Variants in TMEM266 observed in about 807,000 individuals in gnomAD.
TMEM266 encodes transmembrane protein 266, also known as Hv1 related protein 1.
Under a neutral mutation model 50.5 loss-of-function variants are expected in TMEM266, and 33 were observed. The ratio of observed to expected loss-of-function variants is 0.65; its 90% CI spans 0.50 to 0.87. TMEM266 has a LOEUF of 0.87. Ranked by LOEUF, TMEM266 falls within the 40% of genes least tolerant of loss-of-function variation. The probability of loss-of-function intolerance (pLI) is 0.00; values close to 1 mark genes in which losing one functional copy is unlikely to be tolerated. For missense variants in TMEM266, 655 were observed against 695.1 expected (o/e 0.94, Z 0.65); for synonymous variants, 310 against 292.3 (o/e 1.06, Z -0.62).
chr15:76,159,056 G>A (rs925740762), intron 4 of TMEM266, among the ~76,000 whole-genome samples: 3 of 152,198 alleles, frequency 2.0e-5, no homozygotes, highest in Admixed American at 1.3e-4. Context: ...AAGCAGGCCT[G>A]GCTGCAGCTC....
At chr15:76,130,256 C>T in intron 1 of TMEM266, among the ~76,000 whole-genome samples, 1 of 13,730 alleles carries the variant, frequency 7.3e-5, no homozygotes, top group East Asian at 2.0e-3. Context: ...AAAAAAAAAC[C>T]GCCGGGTGCA....
Position 76,129,360 on chromosome 15 carries a change from G to A in TMEM266, c.-96-4808G>A, listed in dbSNP as rs530547909. Among the ~76,000 whole-genome samples the A allele has an allele frequency of 4.4e-3, 663 of 152,258 alleles. 9 individuals carry two copies. The highest frequency in any genetic ancestry group is 0.015 in the African/African-American group (636 of 41,540). ...AAACATGTTAGAAAACTGCTAAGGA[G>A]GCCAGGTGCATTGGCTCACACCTGT... On this transcript the variant is annotated intron_variant, in intron 1 of 10. Transcript: ENST00000388942.
At chr15:76,147,256 G>GA (rs1335968087) in intron 3 of TMEM266, among the ~76,000 whole-genome samples, 5 of 152,174 alleles carry the variant, frequency 3.3e-5, no homozygotes, top group Admixed American at 2.6e-4. Flanking sequence ...CTAGAAGAAG[G>GA]AAATCAGATT....
chr15:76,191,804 G>T, intron 8 of TMEM266, 164 bp from the exon 9 acceptor site: 1 of 653,720 alleles, frequency 1.5e-6, no homozygotes, highest in Non-Finnish European at 2.4e-6. Context: ...AAGCTCTTGC[G>T]AACCGCGATG....
intron 1 of TMEM266, among the ~76,000 whole-genome samples, chr15:76,104,326 T>G (rs2037048272): frequency 6.6e-6 from 1 of 152,148 alleles, no homozygotes; most frequent in Non-Finnish European, 1.5e-5. Flanking sequence ...CTAAATAAAC[T>G]GTAAAATTCA....
chr15:76,096,805 A>G (rs944095299), intron 1 of TMEM266, among the ~76,000 whole-genome samples: 4 of 151,774 alleles, frequency 2.6e-5, no homozygotes, highest in Admixed American at 1.3e-4. Flanking sequence ...TTGGGTGCAT[A>G]TATATTTTGG....
chr15:76,145,221 C>T (rs2959863), intron 3 of TMEM266, among the ~76,000 whole-genome samples: 30,437 of 152,124 alleles, frequency 0.2, 4,012 homozygotes, highest in African/African-American at 0.37. Flanking sequence ...AGCCATGTGA[C>T]CCCTAATGTG....
intron 1 of TMEM266, among the ~76,000 whole-genome samples, chr15:76,072,009 C>T (rs945419830): frequency 4.0e-5 from 6 of 151,858 alleles, no homozygotes; most frequent in Non-Finnish European, 5.9e-5. Context: ...CATCAAGGGG[C>T]AGGGAAGAGA....
intron 1 of TMEM266, among the ~76,000 whole-genome samples, chr15:76,117,987 C>T (rs1227316458): frequency 6.6e-6 from 1 of 152,224 alleles, no homozygotes; most frequent in East Asian, 1.9e-4. Context: ...GTTCTCAGGC[C>T]TGCTGCAGCT....
At chr15:76,065,013 A>G (rs112930974) in intron 1 of TMEM266, among the ~76,000 whole-genome samples, 1,572 of 152,324 alleles carry the variant, frequency 0.01, 31 homozygotes, top group African/African-American at 0.035. Context: ...GAAATAGTCA[A>G]ATCTTTGTAC....
intron 8 of TMEM266, among the ~76,000 whole-genome samples, chr15:76,181,886 T>C (rs765000900): frequency 6.6e-6 from 1 of 152,244 alleles, no homozygotes; most frequent in Non-Finnish European, 1.5e-5. Context: ...CGCTCTTTCA[T>C]GTTTAAGCCT....
At position 76,123,033 on chromosome 15, in the gene TMEM266, C is replaced by T. The variant is rs146656975; in HGVS notation, c.-96-11135C>T. Among the ~76,000 whole-genome samples, 27 of 151,712 alleles carry T rather than the reference C, an allele frequency of 1.8e-4. No individual in the cohort carries two copies. The East Asian group carries it at 3.1e-3, about 17-fold the overall frequency. The stretch of plus-strand genomic sequence containing the variant: ...CATGAGACCAGTAGTAATTGACAGA[C>T]TACATCACTAAGTAAGTGAAAAAGA... On this transcript the variant is annotated intron_variant, in intron 1 of 10. Coordinates refer to ENST00000388942, the MANE Select transcript of TMEM266 (RefSeq NM_152335.3).
intron 3 of TMEM266, among the ~76,000 whole-genome samples, chr15:76,141,622 C>A (rs117911146): frequency 4.6e-5 from 7 of 152,138 alleles, no homozygotes; most frequent in Non-Finnish European, 1.0e-4. Context: ...CATTCCTAAG[C>A]GTAGGCTTCA....
chr15:76,068,838 C>T (rs2036485970), intron 1 of TMEM266, among the ~76,000 whole-genome samples: 1 of 152,188 alleles, frequency 6.6e-6, no homozygotes, highest in African/African-American at 2.4e-5. Context: ...CTAATACATC[C>T]AGCATCCTTG....
At chr15:76,162,026 G>A (rs1311469049) in intron 5 of TMEM266, among the ~76,000 whole-genome samples, 3 of 152,182 alleles carry the variant, frequency 2.0e-5, no homozygotes, top group South Asian at 2.1e-4. Context: ...TGTCACTGCC[G>A]GAGACAAGCC....
intron 1 of TMEM266, among the ~76,000 whole-genome samples, chr15:76,071,331 G>T (rs2036536466): frequency 6.6e-6 from 1 of 152,170 alleles, no homozygotes; most frequent in Admixed American, 6.5e-5. Context: ...AACCCCACAA[G>T]ATCTATAGAC....
intron 1 of TMEM266, among the ~76,000 whole-genome samples, chr15:76,120,448 A>T (rs2037322939): frequency 6.6e-6 from 1 of 152,132 alleles, no homozygotes; most frequent in Non-Finnish European, 1.5e-5. Flanking sequence ...ATACATAATT[A>T]TATAAGCACA....
chr15:76,180,850 G>A (rs1057376073), intron 8 of TMEM266: 1 of 151,910 alleles, frequency 6.6e-6, no homozygotes, highest in Non-Finnish European at 1.5e-5. Context: ...CTGACCTCAG[G>A]TGATCCACCC....
At chr15:76,192,202 A>T (rs560224495) in intron 9 of TMEM266, 45 bp downstream of exon 9, 145 of 1,384,412 alleles carry the variant, frequency 1.0e-4, no homozygotes, top group Non-Finnish European at 1.3e-4. Flanking sequence ...ACGGCCGGGG[A>T]TCCCCCTCGC....
Sources: gnomAD v4.1 joint callset for allele counts (sites outside exome capture counted in the v4.1 genomes callset) on GRCh38, gnomAD v4.1.1 for gene constraint, MANE v1.5 for transcripts, NCBI Gene and HGNC (gene_info 2026-07-23, HGNC 2026-07-21) for gene names.